The following RAD51B variants were observed in gnomAD, a reference collection of about 807,000 sequenced individuals.
RAD51B encodes the protein DNA repair protein RAD51 homolog 2.
In RAD51B, 38 loss-of-function variants were observed where a neutral mutation model predicts 42.2. The observed-to-expected ratio is 0.90, with a 90% CI of 0.70 to 1.18. The LOEUF is 1.18. Among genes scored for constraint, RAD51B ranks in the 50% most tolerant of loss-of-function variants. The pLI, the probability that RAD51B is intolerant of heterozygous loss-of-function variation, is 0.00. For missense variants in RAD51B, 373 were observed against 400.7 expected, an observed-to-expected ratio of 0.93 and a Z score of 0.59; for synonymous variants, 154 against 145.2, an observed-to-expected ratio of 1.06 and a Z score of -0.43.
intron 5 of RAD51B, among the ~76,000 whole-genome samples, chr14:67,869,691 G>T (rs1340316033): frequency 6.6e-6 from 1 of 152,054 alleles, no homozygotes; most frequent in Non-Finnish European, 1.5e-5. Flanking sequence ...AGAGAGAAAG[G>T]TCGGGTTACC....
chr14:67,898,323 G>A (rs2043491804), intron 7 of RAD51B, among the ~76,000 whole-genome samples: 1 of 152,222 alleles, frequency 6.6e-6, no homozygotes, highest in Admixed American at 6.5e-5. Flanking sequence ...AGATAAGCCA[G>A]ACAGAGAAGA....
chr14:68,154,132 A>G (rs1304019695), intron 7 of RAD51B, among the ~76,000 whole-genome samples: 2 of 152,170 alleles, frequency 1.3e-5, no homozygotes, highest in Non-Finnish European at 2.9e-5. Flanking sequence ...ATGCCTGGTT[A>G]TCTTTGATTA....
downstream of RAD51B, chr14:68,478,201 G>A (rs953988123): frequency 1.3e-5 from 13 of 1,008,460 alleles, no homozygotes; most frequent in Non-Finnish European, 1.4e-5. Flanking sequence ...CAAGGGGGTC[G>A]ACTCTGTGTC....
Position 67,860,111 on chromosome 14 carries a change from C to T in RAD51B, c.316-4892C>T, listed in dbSNP as rs192130644. ...TGCTGGGATTACAAGCATGAGTCACCGCACCCGGCCTTAAATGAACTCTTT... is the reference window on the plus strand; with the variant it reads ...TGCTGGGATTACAAGCATGAGTCACTGCACCCGGCCTTAAATGAACTCTTT... On this transcript the variant is annotated intron_variant, in intron 4 of 10. Coordinates refer to ENST00000471583, the MANE Select transcript of RAD51B (RefSeq NM_133510.4). Among the ~76,000 whole-genome samples, 493 of 152,222 alleles carry T rather than the reference C, an allele frequency of 3.2e-3. 2 individuals are homozygous for T. The highest frequency in any genetic ancestry group is 5.3e-3 in the Non-Finnish European group (363 of 68,022).
chr14:68,005,593 C>T (rs962044327), intron 7 of RAD51B, among the ~76,000 whole-genome samples: 1 of 152,028 alleles, frequency 6.6e-6, no homozygotes, highest in Admixed American at 6.6e-5. Flanking sequence ...TGTTGGGCTT[C>T]GTATTTAACT....
chr14:68,426,016 CTTTCTT>C (rs2084837423), intron 9 of RAD51B, among the ~76,000 whole-genome samples: 1 of 146,922 alleles, frequency 6.8e-6, no homozygotes, highest in African/African-American at 2.5e-5. Context: ...TCCTTTCTTT[CTTTCTT>C]TCTTTCTCTC....
chr14:68,602,770 A>G (rs921284838), intron 10 of RAD51B, among the ~76,000 whole-genome samples: 1 of 152,152 alleles, frequency 6.6e-6, no homozygotes, highest in Non-Finnish European at 1.5e-5. Context: ...CTTCACAGCA[A>G]CACCTAGCCT....
chr14:68,386,714 C>T (rs1415800742), intron 8 of RAD51B, among the ~76,000 whole-genome samples: 1 of 152,140 alleles, frequency 6.6e-6, no homozygotes, highest in African/African-American at 2.4e-5. Context: ...AGCAAGAACT[C>T]CTCCTAATGG....
chr14:68,439,180 ACACACACT>A (rs796880615), intron 9 of RAD51B, among the ~76,000 whole-genome samples: 1,330 of 78,642 alleles, frequency 0.017, 17 homozygotes, highest in African/African-American at 0.071. Context: ...ACACACACAC[ACACACACT>A]CTCTCACACA....
intron 10 of RAD51B, among the ~76,000 whole-genome samples, chr14:68,473,711 AT>A (rs539736367): frequency 4.7e-5 from 7 of 150,238 alleles, no homozygotes; most frequent in South Asian, 2.1e-4. Flanking sequence ...TTTGTTTCAG[AT>A]TTTTTTTTTA....
At chr14:68,235,480 G>A (rs1356202902) in intron 7 of RAD51B, among the ~76,000 whole-genome samples, 2 of 151,498 alleles carry the variant, frequency 1.3e-5, no homozygotes, top group South Asian at 2.1e-4. Context: ...CGAGGCGGGC[G>A]GATCACGAGG....
intron 9 of RAD51B, among the ~76,000 whole-genome samples, chr14:68,445,304 A>G (rs1405990853): frequency 2.0e-5 from 3 of 152,180 alleles, no homozygotes; most frequent in Non-Finnish European, 4.4e-5. Context: ...GAAGGAAAAG[A>G]TCTCTTACTT....
chr14:68,238,036 C>G (rs184796701), intron 7 of RAD51B, among the ~76,000 whole-genome samples: 28 of 152,220 alleles, frequency 1.8e-4, no homozygotes, highest in Admixed American at 3.9e-4. Flanking sequence ...GAATATATCT[C>G]CGAGTAGAAT....
intron 10 of RAD51B, chr14:68,470,432 G>T: frequency 2.2e-6 from 1 of 459,050 alleles, no homozygotes; most frequent in Admixed American, 2.6e-5. Flanking sequence ...CCCAGAAAAT[G>T]CAGGCCCCTC....
chr14:68,031,399 A>G (rs2076039505), intron 7 of RAD51B, among the ~76,000 whole-genome samples: 1 of 152,222 alleles, frequency 6.6e-6, no homozygotes, highest in African/African-American at 2.4e-5. Flanking sequence ...GGGTGGGGAC[A>G]CAGAGCCAAA....
intron 8 of RAD51B, among the ~76,000 whole-genome samples, chr14:68,388,095 T>TATATATA (rs869245953): frequency 3.7e-5 from 4 of 107,466 alleles, no homozygotes; most frequent in South Asian, 2.5e-4. Context: ...TATATATATA[T>TATATATA]TTTTTTTTTT....
chr14:68,372,084 A>C (rs1230694869), intron 8 of RAD51B, among the ~76,000 whole-genome samples: 1 of 152,136 alleles, frequency 6.6e-6, no homozygotes, highest in Non-Finnish European at 1.5e-5. Flanking sequence ...CTTTTTCTGG[A>C]AGCCAAGTGA....
chr14:68,636,072 C>G (rs973354328), intron 10 of RAD51B, among the ~76,000 whole-genome samples: 5 of 152,082 alleles, frequency 3.3e-5, no homozygotes, highest in Admixed American at 1.3e-4. Context: ...GTGCTTTTTT[C>G]CATGGACTGT....
chr14:68,600,954 G>C (rs916516835), downstream of RAD51B, among the ~76,000 whole-genome samples: 1 of 151,874 alleles, frequency 6.6e-6, no homozygotes, highest in Non-Finnish European at 1.5e-5. Context: ...CAGCTCTAGA[G>C]AATTCTTGTG....
Sources: allele counts gnomAD v4.1 joint callset (sites outside exome capture counted in the v4.1 genomes callset), GRCh38; gene constraint gnomAD v4.1.1; transcripts MANE v1.5; gene names NCBI Gene and HGNC (gene_info 2026-07-23, HGNC 2026-07-21).